The following UNC5C variants were observed in gnomAD, a reference collection of about 807,000 sequenced individuals.
UNC5C encodes the protein unc-5 netrin receptor C.
In UNC5C, 47 loss-of-function variants were observed where a neutral mutation model predicts 99.8. The ratio of observed to expected loss-of-function variants is 0.47; its 90% CI spans 0.37 to 0.60. The LOEUF (loss-of-function observed/expected upper bound fraction) is 0.60. Among genes scored for constraint, UNC5C ranks in the 20% least tolerant of loss-of-function variants. UNC5C has a pLI of 0.00. For synonymous variants in UNC5C, 487 were observed against 452.2 expected, an observed-to-expected ratio of 1.08 and a Z score of -0.98; for missense variants, 1,062 against 1,165.9, an observed-to-expected ratio of 0.91 and a Z score of 1.30.
intron 7 of UNC5C, among the ~76,000 whole-genome samples, chr4:95,233,799 G>A (rs981891607): frequency 9.2e-5 from 14 of 152,086 alleles, no homozygotes; most frequent in Admixed American, 7.9e-4. Context: ...GGTGGGTAGG[G>A]TGGCGAATGC....
At chr4:95,218,113 T>C (rs1229314665) in intron 9 of UNC5C, among the ~76,000 whole-genome samples, 2 of 152,200 alleles carry the variant, frequency 1.3e-5, no homozygotes, top group African/African-American at 2.4e-5. Context: ...TATTATGTTT[T>C]TTCAATGTGA....
At chr4:95,412,937 A>G (rs529027807) in intron 1 of UNC5C, among the ~76,000 whole-genome samples, 1 of 152,324 alleles carries the variant, frequency 6.6e-6, no homozygotes, top group Non-Finnish European at 1.5e-5. Flanking sequence ...CCCTGGCATG[A>G]GTACTTACTT....
At chr4:95,519,815 T>C (rs996028221) in intron 1 of UNC5C, among the ~76,000 whole-genome samples, 6 of 152,212 alleles carry the variant, frequency 3.9e-5, no homozygotes, top group Non-Finnish European at 8.8e-5. Context: ...ACTGCAAACA[T>C]AGCTGAAGGT....
Position 95,162,683 on chromosome 4 carries a change from C to T in UNC5C, c.*6551G>A, listed in dbSNP as rs535021377. The T allele has an allele frequency of 2.6e-5, 4 of 152,278 alleles. No individual in the cohort carries two copies. The highest frequency in any genetic ancestry group is 3.4e-3 in the Middle Eastern group (1 of 294). 9.4% of individuals were successfully genotyped at this position (152,278 alleles called of 1,614,324 possible). ...CGGAGCTGGTATCCCTCACCTCCACCACTCAGCAAGGCGCCGGACAGATAT... is the reference window on the plus strand; with the variant it reads ...CGGAGCTGGTATCCCTCACCTCCACTACTCAGCAAGGCGCCGGACAGATAT... On this transcript the variant is annotated 3_prime_UTR_variant, in exon 16 of 16. Coordinates refer to ENST00000453304, the MANE Select transcript of UNC5C (RefSeq NM_003728.4).
At chr4:95,513,172 C>A (rs1560489955) in intron 1 of UNC5C, among the ~76,000 whole-genome samples, 1 of 152,112 alleles carries the variant, frequency 6.6e-6, no homozygotes, top group Non-Finnish European at 1.5e-5. Flanking sequence ...GGATTACATC[C>A]CGGCATGTAA....
intron 1 of UNC5C, among the ~76,000 whole-genome samples, chr4:95,338,214 T>C (rs1743421235): frequency 6.6e-6 from 1 of 152,002 alleles, no homozygotes; most frequent in Non-Finnish European, 1.5e-5. Flanking sequence ...ACCATCAAGT[T>C]AACATACTAA....
At chr4:95,343,387 G>T (rs1452373875) in intron 1 of UNC5C, among the ~76,000 whole-genome samples, 1 of 152,100 alleles carries the variant, frequency 6.6e-6, no homozygotes, top group African/African-American at 2.4e-5. Context: ...GTAATCCAGA[G>T]AAGTCTTCCA....
At chr4:95,477,376 G>C (rs188326603) in intron 1 of UNC5C, among the ~76,000 whole-genome samples, 1 of 152,042 alleles carries the variant, frequency 6.6e-6, no homozygotes, top group Non-Finnish European at 1.5e-5. Context: ...CCAGGCCAAA[G>C]GCTCAAGTAA....
chr4:95,345,151 AAGGAAC>A (rs1743723711), intron 1 of UNC5C, among the ~76,000 whole-genome samples: 1 of 152,076 alleles, frequency 6.6e-6, no homozygotes, highest in Non-Finnish European at 1.5e-5. Context: ...ACTGAAAATA[AAGGAAC>A]AGATAAAGAT....
In UNC5C at chr4:95,170,295, G is replaced by T; in HGVS notation, c.2489C>A (p.Ala830Glu). 6.2e-7 allele frequency: 1 copy of T among 1,614,132 alleles called. No individual in the cohort carries two copies. The highest frequency in any genetic ancestry group is 8.5e-7 in the Non-Finnish European group (1 of 1,180,006). The stretch of plus-strand genomic sequence containing the variant: ...CCCCGTGACCGTGGTGATGGTGTTC[G>T]CAGGATCCAGCAGCGGCAAATCGAT... ...TGIDLPLLDP[A>E]NTITTVTGPS... The change falls in exon 15 of 16, where the codon GCG (alanine) becomes GAG (glutamate). Residue 830 changes from alanine to glutamate, a missense_variant. Transcript: ENST00000453304.
chr4:95,511,159 G>T (rs1169569714), intron 1 of UNC5C, among the ~76,000 whole-genome samples: 1 of 152,118 alleles, frequency 6.6e-6, no homozygotes, highest in East Asian at 1.9e-4. Context: ...GGCAGATAGT[G>T]CCACTGCTGA....
chr4:95,348,709 C>T (rs1195297662), intron 1 of UNC5C, among the ~76,000 whole-genome samples: 1 of 150,916 alleles, frequency 6.6e-6, no homozygotes, highest in Non-Finnish European at 1.5e-5. Flanking sequence ...GTGCTCAACA[C>T]CATTGATCAT....
chr4:95,512,246 T>C (rs1370065868), intron 1 of UNC5C, among the ~76,000 whole-genome samples: 2 of 152,154 alleles, frequency 1.3e-5, no homozygotes, highest in African/African-American at 4.8e-5. Context: ...TAAAAAATCA[T>C]TACTTTTGTA....
chr4:95,388,948 C>T (rs1467431566), intron 1 of UNC5C, among the ~76,000 whole-genome samples: 1 of 151,942 alleles, frequency 6.6e-6, no homozygotes, highest in Admixed American at 6.6e-5. Flanking sequence ...AAAGTGTTTC[C>T]TAGAGTCTGC....
chr4:95,192,074 T>A (rs745629593), intron 12 of UNC5C, among the ~76,000 whole-genome samples: 1 of 107,654 alleles, frequency 9.3e-6, no homozygotes, highest in Non-Finnish European at 1.8e-5. Context: ...CCTGCTCACC[T>A]CCTCCTTTGC....
chr4:95,395,968 A>G (rs1745498012), intron 1 of UNC5C, among the ~76,000 whole-genome samples: 1 of 152,206 alleles, frequency 6.6e-6, no homozygotes. Context: ...TCAGAGCAGC[A>G]CAGCTTCTCT....
At chr4:95,174,322 A>C (rs1363119679) in intron 14 of UNC5C, among the ~76,000 whole-genome samples, 2 of 151,758 alleles carry the variant, frequency 1.3e-5, no homozygotes, top group Non-Finnish European at 2.9e-5. Context: ...TAGTTCTTTT[A>C]ATTGTGATGT....
At position 95,431,469 on chromosome 4, in the gene UNC5C, T is replaced by C. The variant is rs556741797; in HGVS notation, c.125-95838A>G. ...AAACACTAGAGTGGGAAATATATTCTTAGGAAGGATAAAAACACAGATTGA... is the reference window on the plus strand; with the variant it reads ...AAACACTAGAGTGGGAAATATATTCCTAGGAAGGATAAAAACACAGATTGA... On this transcript the variant is annotated intron_variant, in intron 1 of 15. Transcript: ENST00000453304. 2.0e-5 allele frequency among the ~76,000 whole-genome samples: 3 copies of C among 152,214 alleles called. No homozygotes were observed. In the South Asian group the frequency reaches 6.2e-4, roughly 32 times the overall value.
chr4:95,298,090 G>A (rs1447993116), intron 3 of UNC5C, among the ~76,000 whole-genome samples: 3 of 152,180 alleles, frequency 2.0e-5, no homozygotes, highest in Non-Finnish European at 4.4e-5. Flanking sequence ...GGGCGAAATC[G>A]CTTGTGCCCA....
Sources: gnomAD v4.1 joint callset for allele counts (sites outside exome capture counted in the v4.1 genomes callset) on GRCh38, gnomAD v4.1.1 for gene constraint, MANE v1.5 for transcripts, NCBI Gene and HGNC (gene_info 2026-07-23, HGNC 2026-07-21) for gene names.